TOP6BL: variants seen among roughly 807,000 people sequenced by gnomAD.
The protein encoded by TOP6BL is TOP6B like initiator of meiotic double strand breaks.
chr11:66,767,930 C>T, the TOP6BL span, among the ~76,000 whole-genome samples: 59 of 152,100 alleles, frequency 3.9e-4, no homozygotes, highest in African/African-American at 1.4e-3. Context: ...TAACTGGGAC[C>T]ACAGGTGTGT....
At chr11:66,788,049 T>C in the TOP6BL span, 10 of 671,728 alleles carry the variant, frequency 1.5e-5, no homozygotes, top group African/African-American at 1.8e-4. Flanking sequence ...GTAGATAATC[T>C]TTTCATCAGG....
chr11:66,800,579 G>T, the TOP6BL span: 1 of 1,314,914 alleles, frequency 7.6e-7, no homozygotes, highest in Non-Finnish European at 1.1e-6. Flanking sequence ...GATTAGATAT[G>T]GAAGTTTTTA....
the TOP6BL span, among the ~76,000 whole-genome samples, chr11:66,752,634 A>G: frequency 1.6e-4 from 25 of 151,832 alleles, no homozygotes; most frequent in African/African-American, 5.8e-4. Flanking sequence ...TGTATTTTTC[A>G]TAGAGATAGG....
At chr11:66,817,422 G>GGATGATGAT in the TOP6BL span, among the ~76,000 whole-genome samples, 1 of 151,518 alleles carries the variant, frequency 6.6e-6, no homozygotes, top group Non-Finnish European at 1.5e-5. Context: ...CAGAATCACT[G>GGATGATGAT]GATGATGATG....
the TOP6BL span, among the ~76,000 whole-genome samples, chr11:66,750,643 C>CT: frequency 6.6e-6 from 1 of 151,880 alleles, no homozygotes; most frequent in South Asian, 2.1e-4. Flanking sequence ...ACTTTTAACT[C>CT]TGTTAATTGA....
the TOP6BL span, chr11:66,756,412 A>G: frequency 1.8e-6 from 2 of 1,130,496 alleles, no homozygotes; most frequent in Non-Finnish European, 2.3e-6. Context: ...GGCTCACTGC[A>G]ACCTCCACCT....
At chr11:66,778,301 A>G in the TOP6BL span, among the ~76,000 whole-genome samples, 2 of 151,968 alleles carry the variant, frequency 1.3e-5, no homozygotes, top group African/African-American at 2.4e-5. Flanking sequence ...TTTCAGTTTC[A>G]TTGTTAAAAT....
chr11:66,827,955 ACT>A, the TOP6BL span, among the ~76,000 whole-genome samples: 1,797 of 124,894 alleles, frequency 0.014, 46 homozygotes, highest in African/African-American at 0.053. Context: ...ACAGAGCAAG[ACT>A]CTGTCTCAGA....
At chr11:66,761,753 TAG>T in the TOP6BL span, 2 of 779,352 alleles carry the variant, frequency 2.6e-6, no homozygotes, top group African/African-American at 3.4e-5. Context: ...GTTGAGTGTA[TAG>T]TTAGTATCCT....
chr11:66,828,219 G>T, the TOP6BL span: 1 of 1,390,182 alleles, frequency 7.2e-7, no homozygotes. Flanking sequence ...TTCCCCCTTG[G>T]TTTCCAGTAC....
chr11:66,798,380 G>C, the TOP6BL span, among the ~76,000 whole-genome samples: 6 of 151,458 alleles, frequency 4.0e-5, no homozygotes, highest in Non-Finnish European at 5.9e-5. Flanking sequence ...TGGGCGGATT[G>C]CTTGAGCTCA....
At chr11:66,762,029 T>G in the TOP6BL span, 2 of 1,492,662 alleles carry the variant, frequency 1.3e-6, no homozygotes, top group Admixed American at 1.7e-5. Flanking sequence ...TGACAGTGAT[T>G]TTTTCCCCCC....
At chr11:66,793,084 GTAA>G in the TOP6BL span, among the ~76,000 whole-genome samples, 1 of 148,058 alleles carries the variant, frequency 6.8e-6, no homozygotes, top group African/African-American at 2.5e-5. Flanking sequence ...ATCCATTTTG[GTAA>G]TAATGTTTTT....
chr11:66,823,810 C>T, the TOP6BL span, among the ~76,000 whole-genome samples: 1 of 152,098 alleles, frequency 6.6e-6, no homozygotes, highest in Non-Finnish European at 1.5e-5. Context: ...AAGTGAGATT[C>T]CGTCTCAAAA....
At chr11:66,759,252 T>G in the TOP6BL span, among the ~76,000 whole-genome samples, 16 of 152,182 alleles carry the variant, frequency 1.1e-4, no homozygotes, top group African/African-American at 3.6e-4. Flanking sequence ...AAATAATAAT[T>G]TTTTTAACAT....
At chr11:66,796,075 C>G in the TOP6BL span, 2 of 496,640 alleles carry the variant, frequency 4.0e-6, no homozygotes, top group Non-Finnish European at 7.2e-6. Flanking sequence ...TTCTGAAGTT[C>G]CGTGTAATAG....
chr11:66,826,877 T>A, the TOP6BL span, among the ~76,000 whole-genome samples: 1 of 150,546 alleles, frequency 6.6e-6, no homozygotes, highest in Non-Finnish European at 1.5e-5. Flanking sequence ...GAGACAGGGT[T>A]TCTCCATGTT....
chr11:66,800,582 A>C, the TOP6BL span: 1 of 1,355,922 alleles, frequency 7.4e-7, no homozygotes, highest in African/African-American at 1.5e-5. Flanking sequence ...TAGATATGGA[A>C]GTTTTTAATC....
the TOP6BL span, among the ~76,000 whole-genome samples, chr11:66,800,347 G>A: frequency 2.6e-5 from 4 of 152,078 alleles, no homozygotes; most frequent in African/African-American, 9.7e-5. Context: ...CAATAATAAT[G>A]TATTATATAT....
Sources: allele counts gnomAD v4.1 joint callset (sites outside exome capture counted in the v4.1 genomes callset), GRCh38; gene constraint gnomAD v4.1.1; transcripts MANE v1.5; gene names NCBI Gene and HGNC (gene_info 2026-07-23, HGNC 2026-07-21).